The following EPHA4 variants were observed in gnomAD, a reference collection of about 807,000 sequenced individuals.
EPHA4 encodes EPH receptor A4.
In EPHA4, 19 loss-of-function variants were observed where a neutral mutation model predicts 108.3. The observed-to-expected ratio is 0.18, with a 90% confidence interval of 0.12 to 0.26. The LOEUF (loss-of-function observed/expected upper bound fraction) is 0.26, where lower values mean the gene tolerates loss of function less well. Ranked by LOEUF, EPHA4 falls within the 10% of genes least tolerant of loss-of-function variation. The pLI is 1.00. For synonymous variants in EPHA4, 449 were observed against 455.5 expected (o/e 0.99, Z 0.18); for missense variants, 917 against 1,254.0 (o/e 0.73, Z 4.06).
In EPHA4 at chr2:221,426,059, T is replaced by C; in HGVS notation, c.2930A>G (p.Gln977Arg). 6.2e-7 allele frequency: 1 copy of C among 1,614,190 alleles called. No individual in the cohort carries two copies. Residue 977 changes from glutamine to arginine, a missense_variant, in exon 17 of 18, where the codon CAG becomes CGG. Physicochemically the swap from Gln to Arg is conservative, Grantham distance 43 (BLOSUM62 1). Coordinates refer to ENST00000281821, the MANE Select transcript of EPHA4 (RefSeq NM_004438.5). Reference sequence around the variant, plus strand: ...GGGAACCATTCTGCCGTGCATCTGCTGCATTTGGGTTCGCATTGCCTGGAC... The same window carrying C: ...GGGAACCATTCTGCCGTGCATCTGCCGCATTTGGGTTCGCATTGCCTGGAC... ...SSVQAMRTQM[Q>R]QMHGRMVPV
chr2:221,549,143 C>T (rs1341990631), intron 3 of EPHA4, among the ~76,000 whole-genome samples: 1 of 152,082 alleles, frequency 6.6e-6, no homozygotes, highest in Non-Finnish European at 1.5e-5. Flanking sequence ...CCAATGTGAA[C>T]ACATCCAAAA....
intron 3 of EPHA4, among the ~76,000 whole-genome samples, chr2:221,562,395 C>T (rs1230550357): frequency 6.6e-6 from 1 of 152,090 alleles, no homozygotes; most frequent in Non-Finnish European, 1.5e-5. Flanking sequence ...GACACCAAAT[C>T]ACCAAAAAAT....
rs1486050638 is a variant in EPHA4, at chr2:221,428,450, C to T, written c.2690+1508G>A. ...GAATTTAGAACTGATAATAGTGTAT[C>T]TAATACCTCAACTTGTTCTGTACCT... On this transcript the variant is annotated intron_variant, in intron 15 of 17. Transcript: ENST00000281821. Among the ~76,000 whole-genome samples the T allele has an allele frequency of 5.9e-5, 9 of 152,260 alleles. 1 individual carries two copies. The South Asian group carries it at 1.9e-3, about 32-fold the overall frequency.
intron 3 of EPHA4, among the ~76,000 whole-genome samples, chr2:221,521,248 G>T (rs1693156229): frequency 6.6e-6 from 1 of 152,138 alleles, no homozygotes; most frequent in South Asian, 2.1e-4. Context: ...TTCCAAACCT[G>T]CCCTTGAGTA....
chr2:221,479,209 T>C (rs993189759), intron 5 of EPHA4, among the ~76,000 whole-genome samples: 2 of 152,232 alleles, frequency 1.3e-5, no homozygotes, highest in African/African-American at 4.8e-5. Context: ...AAAGCAACTT[T>C]CTACTTTCAG....
intron 8 of EPHA4, among the ~76,000 whole-genome samples, chr2:221,451,881 A>G (rs1235737235): frequency 6.6e-6 from 1 of 152,228 alleles, no homozygotes; most frequent in Non-Finnish European, 1.5e-5. Flanking sequence ...CCATTTGGCC[A>G]AAAGAAAAAA....
chr2:221,534,367 T>A (rs1466730836), intron 3 of EPHA4, among the ~76,000 whole-genome samples: 1 of 152,208 alleles, frequency 6.6e-6, no homozygotes, highest in Admixed American at 6.5e-5. Flanking sequence ...CTAATCCATA[T>A]CCAGTACTGC....
chr2:221,560,549 G>A lies in EPHA4; in HGVS notation c.823+3182C>T, dbSNP rs549133916. ...CCTTGATATCAAGGAGTGGTCAGGG[G>A]ATGGATTTTCCTTCTACTATTTCAA... On this transcript the variant is annotated intron_variant, in intron 3 of 17. Transcript: ENST00000281821. Among the ~76,000 whole-genome samples, 4 of 152,282 alleles carry A rather than the reference G, an allele frequency of 2.6e-5. No homozygotes were observed. The East Asian group carries it at 7.7e-4, about 29-fold the overall frequency.
intron 13 of EPHA4, among the ~76,000 whole-genome samples, 200 bp downstream of exon 13, chr2:221,436,199 T>C (rs563617077): frequency 1.4e-4 from 21 of 152,276 alleles, no homozygotes; most frequent in African/African-American, 4.8e-4. Context: ...GCTGTTAATA[T>C]GGTCATACAT....
chr2:221,444,106 T>C (rs546684991), intron 9 of EPHA4, among the ~76,000 whole-genome samples: 2 of 152,330 alleles, frequency 1.3e-5, no homozygotes, highest in African/African-American at 4.8e-5. Flanking sequence ...TAAGTTAAAG[T>C]AGACAATAAG....
intron 4 of EPHA4, 123 bp from the exon 5 acceptor site, chr2:221,482,813 A>G: frequency 1.3e-6 from 1 of 789,810 alleles, no homozygotes; most frequent in Admixed American, 2.9e-5. Flanking sequence ...AAGAAAGCAA[A>G]AAGCAAATCA....
chr2:221,566,876 AG>A lies in EPHA4; in HGVS notation c.159+1841del, dbSNP rs1225744675. 3.0e-3 allele frequency among the ~76,000 whole-genome samples: 67 copies of A among 22,646 alleles called. 7 individuals carry two copies. Among genetic ancestry groups the A allele is most frequent in the African/African-American group, 7.7e-3 (26 of 3,382 alleles). The allele number at this position is 22,646 out of a possible 152,430, so 14.9% of individuals were successfully genotyped here. On this transcript the variant is annotated intron_variant, in intron 2 of 17. Coordinates refer to ENST00000281821, the MANE Select transcript of EPHA4 (RefSeq NM_004438.5). ...AAGGAGAAGAAGAAGAAGAAGAAGAAGGAGAAGGAGAAGGAGAAGGAGAAGG... is the reference window on the plus strand; with the variant it reads ...AAGGAGAAGAAGAAGAAGAAGAAGAAGAGAAGGAGAAGGAGAAGGAGAAGG...
intron 9 of EPHA4, among the ~76,000 whole-genome samples, chr2:221,444,375 T>C (rs1690521724): frequency 6.6e-6 from 1 of 152,114 alleles, no homozygotes; most frequent in South Asian, 2.1e-4. Flanking sequence ...TGTAAAAAGC[T>C]TTGTCCTGGC....
chr2:221,556,605 C>CT (rs371629632), intron 3 of EPHA4, among the ~76,000 whole-genome samples: 5,356 of 148,320 alleles, frequency 0.036, 140 homozygotes, highest in Non-Finnish European at 0.051. Flanking sequence ...CCAGTCACTA[C>CT]TTTTTTTTTT....
chr2:221,454,182 G>C (rs1475156500), intron 8 of EPHA4, among the ~76,000 whole-genome samples: 1 of 151,744 alleles, frequency 6.6e-6, no homozygotes, highest in Non-Finnish European at 1.5e-5. Flanking sequence ...CTCCGTCTCA[G>C]AAAAAAATTA....
At chr2:221,440,309 A>T (rs1008312096) in intron 11 of EPHA4, among the ~76,000 whole-genome samples, 1 of 152,220 alleles carries the variant, frequency 6.6e-6, no homozygotes, top group Non-Finnish European at 1.5e-5. Flanking sequence ...ACTTTAATAC[A>T]AAGATCCCCT....
chr2:221,561,792 G>T (rs1483135912), intron 3 of EPHA4, among the ~76,000 whole-genome samples: 1 of 152,176 alleles, frequency 6.6e-6, no homozygotes, highest in South Asian at 2.1e-4. Context: ...TGTGACAATT[G>T]AAAATCAATG....
At chr2:221,477,543 G>T (rs1691693995) in intron 5 of EPHA4, among the ~76,000 whole-genome samples, 1 of 152,086 alleles carries the variant, frequency 6.6e-6, no homozygotes, top group East Asian at 1.9e-4. Context: ...TCTAAACATT[G>T]CCCATTAGGG....
chr2:221,516,488 G>A (rs1203015991), intron 3 of EPHA4, among the ~76,000 whole-genome samples: 1 of 151,726 alleles, frequency 6.6e-6, no homozygotes, highest in Non-Finnish European at 1.5e-5. Flanking sequence ...CCAAGTAGCT[G>A]GGATTAGAGG....
Sources: gnomAD v4.1 joint callset for allele counts (sites outside exome capture counted in the v4.1 genomes callset) on GRCh38, gnomAD v4.1.1 for gene constraint, MANE v1.5 for transcripts, NCBI Gene and HGNC (gene_info 2026-07-23, HGNC 2026-07-21) for gene names.